The following RCC2 variants were observed in gnomAD, a reference collection of about 807,000 sequenced individuals.
RCC2 encodes protein RCC2.
Under a neutral mutation model 64.1 loss-of-function variants are expected in RCC2, and 19 were observed. The ratio of observed to expected loss-of-function variants is 0.30; its 90% CI spans 0.21 to 0.44. The LOEUF (loss-of-function observed/expected upper bound fraction) is 0.44, where lower values mean the gene tolerates loss of function less well. RCC2 is among the 20% of genes least tolerant of loss of function. RCC2 has a pLI of 1.00. For synonymous variants in RCC2, 325 were observed against 279.6 expected, an observed-to-expected ratio of 1.16 and a Z score of -1.62; for missense variants, 508 against 710.4, an observed-to-expected ratio of 0.72 and a Z score of 3.24.
chr1:17,420,774 T>C lies in RCC2; in HGVS notation c.799A>G (p.Met267Val). 1.9e-6 allele frequency: 3 copies of C among 1,613,124 alleles called. No individual in the cohort carries two copies. In the South Asian group the frequency reaches 3.3e-5, roughly 18 times the overall value. Residue 267 changes from methionine to valine, a missense_variant, in exon 7 of 13, where the codon ATG becomes GTG. Met to Val is a conservative substitution (Grantham distance 21, BLOSUM62 1). Transcript: ENST00000375436. ...TKMACGAEFS[M>V]IMDCKGNLYS... is the part of the protein sequence containing the mutation. ...AGGTTTCCTTTGCAGTCCATTATCA[T>C]ACTGAATTCAGCCCCACAGGCCATT...
At chr1:17,426,088 C>CCT (rs1158194923) in intron 3 of RCC2, among the ~76,000 whole-genome samples, 7 of 152,164 alleles carry the variant, frequency 4.6e-5, no homozygotes, top group African/African-American at 1.7e-4. Context: ...CAGCCGTCAG[C>CCT]TGAGGAAGAG....
rs750342705 is a variant in RCC2, at chr1:17,438,291, G to A, written c.224C>T (p.Ala75Val). Reference sequence around the variant, plus strand: ...CACGGCCGCGCCGCCCGCCTTGCCTGCTGTCGCCGGCCGCGCCGCGCGCTT... The same window carrying A: ...CACGGCCGCGCCGCCCGCCTTGCCTACTGTCGCCGGCCGCGCCGCGCGCTT... Reference protein sequence around the residue: ...GGKRAARPATAGKAGGAAVVI... With the variant: ...GGKRAARPATVGKAGGAAVVI... The change falls in exon 2 of 13, where the codon GCA becomes GTA. Residue 75 changes from alanine (A) to valine (V), a missense_variant. This residue lies in a region of RCC2 where 195 missense variants were observed against 158.3 expected (regional missense o/e 1.23). Coordinates refer to ENST00000375436, the MANE Select transcript of RCC2 (RefSeq NM_018715.4). 1 of 1,271,938 alleles carries A rather than the reference G, an allele frequency of 7.9e-7. No homozygotes were observed. Among genetic ancestry groups the A allele is most frequent in the Non-Finnish European group, 1.0e-6 (1 of 996,542 alleles). The allele number at this position is 1,271,938 out of a possible 1,614,324, so 78.8% of individuals were successfully genotyped here.
intron 7 of RCC2, 29 bp downstream of exon 7, chr1:17,420,683 TAC>T: frequency 7.1e-7 from 1 of 1,403,218 alleles, no homozygotes; most frequent in African/African-American, 1.4e-5. Context: ...ACAGTTAGAT[TAC>T]AGAGCTTTTA....
rs920108433 is a variant in RCC2, at chr1:17,408,942, G to A, written c.*148C>T. 79 of 673,122 alleles carry A rather than the reference G, an allele frequency of 1.2e-4. No homozygotes were observed. Among genetic ancestry groups the A allele is most frequent in the Non-Finnish European group, 1.5e-4 (57 of 371,852 alleles). The allele number at this position is 673,122 out of a possible 1,614,324, so 41.7% of individuals were successfully genotyped here. ...AAAGGTAGTTAACGTTGGATCATGT[G>A]TAAAACGGAACCTCAGGGAGTCTAA... On this transcript the variant is annotated 3_prime_UTR_variant, in exon 13 of 13. Coordinates refer to ENST00000375436, the MANE Select transcript of RCC2 (RefSeq NM_018715.4).
At chr1:17,437,630 C>A (rs1033921188) in intron 2 of RCC2, among the ~76,000 whole-genome samples, 4 of 4,628 alleles carry the variant, frequency 8.6e-4, no homozygotes, top group Non-Finnish European at 2.3e-3. Context: ...CCGAGCACCG[C>A]TCAGCCGGGG....
At chr1:17,427,351 A>G (rs1273541523) in intron 3 of RCC2, among the ~76,000 whole-genome samples, 1 of 152,192 alleles carries the variant, frequency 6.6e-6, no homozygotes, top group African/African-American at 2.4e-5. Context: ...CCGATCCCGC[A>G]TGGCACCTGA....
intron 12 of RCC2, among the ~76,000 whole-genome samples, chr1:17,409,469 G>GGCTCCA (rs2075401895): frequency 6.6e-6 from 1 of 152,196 alleles, no homozygotes; most frequent in Admixed American, 6.5e-5. Context: ...GTGGGGACAT[G>GGCTCCA]GCTCCAGCTC....
In RCC2 at chr1:17,409,038, G is replaced by T. The variant is rs892303800; in HGVS notation, c.*52C>A. The stretch of plus-strand genomic sequence containing the variant: ...TTTGACTTCCCGTCCCAGTGCACAT[G>T]GAAATGACAGCTGCCGCGAGAGGTG... On this transcript the variant is annotated 3_prime_UTR_variant, in exon 13 of 13. Transcript: ENST00000375436. The T allele has an allele frequency of 6.8e-6, 9 of 1,324,756 alleles. No homozygotes were observed. The highest frequency in any genetic ancestry group is 8.7e-6 in the Non-Finnish European group (8 of 916,654). 82.1% of individuals were successfully genotyped at this position (1,324,756 alleles called of 1,614,324 possible).
intron 1 of RCC2, among the ~76,000 whole-genome samples, chr1:17,439,264 G>A (rs1006264880): frequency 2.0e-5 from 3 of 149,368 alleles, no homozygotes; most frequent in African/African-American, 7.4e-5. Flanking sequence ...GCCGGTCTCC[G>A]ATTCGACTGC....
At chr1:17,429,342 C>T in intron 2 of RCC2, 143 bp from the exon 3 acceptor site, 2 of 660,778 alleles carry the variant, frequency 3.0e-6, no homozygotes, top group Non-Finnish European at 5.4e-6. Flanking sequence ...AACAGAGTCT[C>T]CCCACACTCC....
chr1:17,433,356 T>C (rs902183435), intron 2 of RCC2, among the ~76,000 whole-genome samples: 2 of 152,182 alleles, frequency 1.3e-5, no homozygotes, highest in East Asian at 3.9e-4. Context: ...GTGCTCCTCT[T>C]CCTCAGAGAC....
chr1:17,410,175 T>C (rs544643718), intron 11 of RCC2, 124 bp from the exon 12 acceptor site: 11 of 810,590 alleles, frequency 1.4e-5, no homozygotes, highest in Non-Finnish European at 2.0e-5. Context: ...CTCTGGCCCA[T>C]GACAAGCCCG....
chr1:17,408,575 G>C lies in RCC2; in HGVS notation c.*515C>G, dbSNP rs1400323997. 1.9e-5 allele frequency: 3 copies of C among 155,936 alleles called. No individual in the cohort carries two copies. The highest frequency in any genetic ancestry group is 7.2e-5 in the African/African-American group (3 of 41,486). The allele number at this position is 155,936 out of a possible 1,614,324, so 9.7% of individuals were successfully genotyped here. On this transcript the variant is annotated 3_prime_UTR_variant, in exon 13 of 13. Coordinates refer to ENST00000375436, the MANE Select transcript of RCC2 (RefSeq NM_018715.4). ...CCCATCTGCAAGAAAAAGCGGAGAAGGAGTGACCCGGATGCTTCCGAAGCA... is the reference window on the plus strand; with the variant it reads ...CCCATCTGCAAGAAAAAGCGGAGAACGAGTGACCCGGATGCTTCCGAAGCA...
chr1:17,432,919 C>T (rs2075697568), intron 2 of RCC2, among the ~76,000 whole-genome samples: 1 of 151,956 alleles, frequency 6.6e-6, no homozygotes, highest in Admixed American at 6.5e-5. Context: ...GATCGCGCCA[C>T]TGCACTCCAG....
intron 3 of RCC2, among the ~76,000 whole-genome samples, chr1:17,426,085 C>G (rs2100379962): frequency 6.6e-6 from 1 of 152,282 alleles, no homozygotes; most frequent in South Asian, 2.1e-4. Flanking sequence ...CCACAGCCGT[C>G]AGCTGAGGAA....
chr1:17,412,295 G>T, intron 10 of RCC2, 101 bp from the exon 11 acceptor site: 1 of 1,032,436 alleles, frequency 9.7e-7, no homozygotes, highest in Non-Finnish European at 1.5e-6. Context: ...CTTTTCCCTT[G>T]GCGTACTCAT....
chr1:17,428,160 T>C (rs899876850), intron 3 of RCC2, among the ~76,000 whole-genome samples: 5 of 152,218 alleles, frequency 3.3e-5, no homozygotes, highest in Non-Finnish European at 5.9e-5. Flanking sequence ...GGCTGCTCAG[T>C]TGAAGAACGG....
chr1:17,410,195 GCACA>G, intron 11 of RCC2, 144 bp from the exon 12 acceptor site: 3 of 684,520 alleles, frequency 4.4e-6, no homozygotes, highest in Non-Finnish European at 7.7e-6. Flanking sequence ...GGCCACCCTT[GCACA>G]CAAGGGCCAG....
chr1:17,434,210 A>G (rs1337562824), intron 2 of RCC2, among the ~76,000 whole-genome samples: 1 of 152,200 alleles, frequency 6.6e-6, no homozygotes, highest in Non-Finnish European at 1.5e-5. Context: ...TTGTATGCTA[A>G]TGACTGACAC....
Sources: allele counts gnomAD v4.1 joint callset (sites outside exome capture counted in the v4.1 genomes callset), GRCh38; gene constraint gnomAD v4.1.1; regional missense constraint gnomAD v4.1.1; transcripts MANE v1.5; gene names NCBI Gene and HGNC (gene_info 2026-07-23, HGNC 2026-07-21).